CERS3: variants seen among roughly 807,000 people sequenced by gnomAD.
The protein encoded by CERS3 is LAG1 homolog, ceramide synthase 3.
In CERS3, 33 loss-of-function variants were observed where a neutral mutation model predicts 50.3. That is an observed-to-expected ratio of 0.66 (90% CI 0.50 to 0.88). CERS3 has a LOEUF of 0.88. Among genes scored for constraint, CERS3 ranks in the 40% least tolerant of loss-of-function variants. The pLI, the probability that CERS3 is intolerant of heterozygous loss-of-function variation, is 0.00. For synonymous variants in CERS3, 176 were observed against 155.2 expected, an observed-to-expected ratio of 1.13 and a Z score of -0.99; for missense variants, 470 against 460.3, an observed-to-expected ratio of 1.02 and a Z score of -0.19.
chr15:100,439,245 T>G (rs1436485979), intron 11 of CERS3, among the ~76,000 whole-genome samples: 2 of 152,130 alleles, frequency 1.3e-5, no homozygotes, highest in Non-Finnish European at 2.9e-5. Context: ...ACCTTATTGT[T>G]TAGAAAAAAT....
At chr15:100,466,841 C>CTCTCTCTCTCTTTCTCTCTT (rs1186736224) in intron 10 of CERS3, among the ~76,000 whole-genome samples, 1 of 8,776 alleles carries the variant, frequency 1.1e-4, no homozygotes, top group Admixed American at 2.2e-3. Context: ...CCCTCTCTCC[C>CTCTCTCTCTCTTTCTCTCTT]TCTCTCTTTC....
intron 11 of CERS3, among the ~76,000 whole-genome samples, chr15:100,444,778 G>A (rs983358312): frequency 6.6e-6 from 1 of 152,138 alleles, no homozygotes; most frequent in Non-Finnish European, 1.5e-5. Flanking sequence ...TCTTGGTTTA[G>A]GTAGACACTT....
At chr15:100,484,460 C>T (rs1333003486) in intron 5 of CERS3, 90 bp downstream of exon 5, 2 of 909,046 alleles carry the variant, frequency 2.2e-6, no homozygotes, top group East Asian at 2.4e-5. Flanking sequence ...TGAACCCTCC[C>T]TCTGCTGCTC....
intron 2 of CERS3, among the ~76,000 whole-genome samples, chr15:100,516,638 GAA>G (rs1483881159): frequency 6.6e-6 from 1 of 152,190 alleles, no homozygotes; most frequent in Non-Finnish European, 1.5e-5. Context: ...CCCAGAGAGA[GAA>G]ATGGGAGAAC....
intron 11 of CERS3, 52 bp from the exon 12 acceptor site, chr15:100,402,917 T>G (rs956887122): frequency 1.3e-6 from 2 of 1,529,368 alleles, no homozygotes; most frequent in African/African-American, 1.4e-5. Context: ...GGAAGAGTCT[T>G]GAGTAAATCT....
intron 10 of CERS3, among the ~76,000 whole-genome samples, chr15:100,468,370 A>G (rs8029244): frequency 0.43 from 65,561 of 151,944 alleles, 14,826 homozygotes; most frequent in Middle Eastern, 0.53. Context: ...ATGGACTCTC[A>G]CATGTAGCAA....
At chr15:100,511,381 A>G (rs1460584221) in intron 2 of CERS3, among the ~76,000 whole-genome samples, 1 of 152,238 alleles carries the variant, frequency 6.6e-6, no homozygotes, top group Non-Finnish European at 1.5e-5. Context: ...TATCTAGAAT[A>G]TATAAAGAAC....
At chr15:100,414,459 C>T (rs753189349) in intron 11 of CERS3, among the ~76,000 whole-genome samples, 2 of 152,106 alleles carry the variant, frequency 1.3e-5, no homozygotes, top group Non-Finnish European at 2.9e-5. Flanking sequence ...AAAAAAGAGC[C>T]TATATAGCCA....
chr15:100,518,303 G>A (rs76307453), intron 2 of CERS3, among the ~76,000 whole-genome samples: 1 of 152,162 alleles, frequency 6.6e-6, no homozygotes, highest in Non-Finnish European at 1.5e-5. Flanking sequence ...GACACACACA[G>A]AGAGTGAGAG....
At chr15:100,472,780 G>A in intron 9 of CERS3, 144 bp downstream of exon 9, 2 of 901,106 alleles carry the variant, frequency 2.2e-6, no homozygotes, top group Non-Finnish European at 3.6e-6. Flanking sequence ...AATCTTGGAG[G>A]ATCTGGGAAT....
intron 11 of CERS3, among the ~76,000 whole-genome samples, chr15:100,409,818 A>G (rs2031337953): frequency 6.6e-6 from 1 of 152,192 alleles, no homozygotes; most frequent in Non-Finnish European, 1.5e-5. Flanking sequence ...CAAATCATTA[A>G]AGGGTCAAGA....
At chr15:100,519,553 G>A (rs577815877) in intron 2 of CERS3, among the ~76,000 whole-genome samples, 9 of 152,204 alleles carry the variant, frequency 5.9e-5, no homozygotes, top group South Asian at 2.1e-4. Context: ...ACCAAGAGAC[G>A]CCACCCATCT....
intron 2 of CERS3, among the ~76,000 whole-genome samples, chr15:100,509,582 C>T (rs1250460616): frequency 6.6e-6 from 1 of 152,146 alleles, no homozygotes; most frequent in Non-Finnish European, 1.5e-5. Context: ...TGACAAAGTG[C>T]AAGGATGCGC....
intron 10 of CERS3, among the ~76,000 whole-genome samples, chr15:100,460,305 A>T (rs2034508334): frequency 6.6e-6 from 1 of 152,154 alleles, no homozygotes; most frequent in Non-Finnish European, 1.5e-5. Context: ...TTATTTATTC[A>T]ATAAACCATT....
intron 10 of CERS3, among the ~76,000 whole-genome samples, chr15:100,467,759 C>CTA (rs2034799169): frequency 8.3e-6 from 1 of 120,638 alleles, no homozygotes; most frequent in South Asian, 2.9e-4. Flanking sequence ...CTCTCTCTCT[C>CTA]TCTCTCTCTC....
intron 2 of CERS3, among the ~76,000 whole-genome samples, chr15:100,502,750 T>G (rs771641219): frequency 1.3e-5 from 2 of 152,156 alleles, no homozygotes; most frequent in African/African-American, 2.4e-5. Flanking sequence ...GAGGACATAA[T>G]AGTCTCGTAA....
chr15:100,481,511 A>C (rs2035300698), intron 5 of CERS3, among the ~76,000 whole-genome samples: 1 of 152,248 alleles, frequency 6.6e-6, no homozygotes, highest in South Asian at 2.1e-4. Context: ...GCCAACCCAC[A>C]AATGAAGCCA....
At chr15:100,476,609 G>T (rs1222022080) in intron 7 of CERS3, among the ~76,000 whole-genome samples, 2 of 152,156 alleles carry the variant, frequency 1.3e-5, no homozygotes. Context: ...TGACAGGCTG[G>T]TGGTCAGAAT....
chr15:100,504,659 G>C (rs993661453), intron 2 of CERS3, among the ~76,000 whole-genome samples: 2 of 152,200 alleles, frequency 1.3e-5, no homozygotes, highest in African/African-American at 4.8e-5. Flanking sequence ...AAGACTTAGT[G>C]ATACTTCCTC....
Sources: gnomAD v4.1 joint callset for allele counts (sites outside exome capture counted in the v4.1 genomes callset) on GRCh38, gnomAD v4.1.1 for gene constraint, MANE v1.5 for transcripts, NCBI Gene and HGNC (gene_info 2026-07-23, HGNC 2026-07-21) for gene names.